Variants in HSPA12A observed in about 807,000 individuals in gnomAD.
The protein encoded by HSPA12A is heat shock 70 kDa protein 12A.
HSPA12A carries 28 observed loss-of-function variants against 69.2 expected under a neutral mutation model. The observed-to-expected ratio is 0.40, with a 90% CI of 0.30 to 0.55. The LOEUF (loss-of-function observed/expected upper bound fraction) is 0.55, where lower values mean the gene tolerates loss of function less well. Among genes scored for constraint, HSPA12A ranks in the 20% least tolerant of loss-of-function variants. HSPA12A has a pLI of 0.38. For synonymous variants in HSPA12A, 345 were observed against 370.5 expected (o/e 0.93, Z 0.79); for missense variants, 686 against 900.7 (o/e 0.76, Z 3.05).
intron 3 of HSPA12A, among the ~76,000 whole-genome samples, chr10:116,703,306 C>T (rs1269568246): frequency 6.6e-6 from 1 of 152,142 alleles, no homozygotes; most frequent in African/African-American, 2.4e-5. Flanking sequence ...GAGACTTAAA[C>T]CAAGATTGGG....
chr10:116,713,804 C>G (rs1392311793), intron 1 of HSPA12A, among the ~76,000 whole-genome samples: 4 of 152,170 alleles, frequency 2.6e-5, no homozygotes, highest in African/African-American at 9.7e-5. Flanking sequence ...GAATTACACT[C>G]CTCAACCTTA....
intron 4 of HSPA12A, 80 bp downstream of exon 4, chr10:116,700,863 A>G: frequency 7.0e-7 from 1 of 1,430,420 alleles, no homozygotes; most frequent in Non-Finnish European, 9.6e-7. Flanking sequence ...TTGGGAGGAC[A>G]TCCCTTCCCC....
At chr10:116,781,763 G>A (rs1185646760) in intron 2 of HSPA12A, among the ~76,000 whole-genome samples, 1 of 152,132 alleles carries the variant, frequency 6.6e-6, no homozygotes, top group Non-Finnish European at 1.5e-5. Context: ...GTCTGCTGTG[G>A]GCTCTGCCTT....
At chr10:116,709,715 CT>C (rs1456049065) in intron 1 of HSPA12A, among the ~76,000 whole-genome samples, 1 of 152,032 alleles carries the variant, frequency 6.6e-6, no homozygotes, top group Non-Finnish European at 1.5e-5. Context: ...ATGGAGAGTT[CT>C]TGCTTAATGA....
intron 1 of HSPA12A, among the ~76,000 whole-genome samples, chr10:116,836,213 T>C (rs1845707819): frequency 6.6e-6 from 1 of 152,148 alleles, no homozygotes; most frequent in African/African-American, 2.4e-5. Context: ...CGGAGCTTAT[T>C]GAAAAGCTCT....
intron 1 of HSPA12A, among the ~76,000 whole-genome samples, chr10:116,708,702 C>CA (rs1484878938): frequency 1.3e-5 from 2 of 152,092 alleles, no homozygotes; most frequent in Admixed American, 6.6e-5. Context: ...ATTACAGAGG[C>CA]AAAAATCCAA....
At chr10:116,819,688 G>C (rs778491793) in intron 2 of HSPA12A, among the ~76,000 whole-genome samples, 21 of 152,208 alleles carry the variant, frequency 1.4e-4, no homozygotes, top group Non-Finnish European at 2.2e-4. Flanking sequence ...AGCCTCAACA[G>C]GCTATGATAG....
chr10:116,779,824 G>C (rs1156366116), intron 2 of HSPA12A, among the ~76,000 whole-genome samples: 6 of 152,058 alleles, frequency 3.9e-5, no homozygotes, highest in African/African-American at 1.4e-4. Flanking sequence ...TAGCAGGGGG[G>C]ACGGGATTCC....
At chr10:116,825,998 G>A (rs966080252) in intron 2 of HSPA12A, among the ~76,000 whole-genome samples, 1 of 152,142 alleles carries the variant, frequency 6.6e-6, no homozygotes, top group Non-Finnish European at 1.5e-5. Context: ...CCGGGGAGAA[G>A]CCACCTACAG....
chr10:116,691,959 T>A (rs911968277), intron 6 of HSPA12A, among the ~76,000 whole-genome samples: 6 of 152,250 alleles, frequency 3.9e-5, no homozygotes, highest in African/African-American at 1.4e-4. Context: ...CTTGGCTTGC[T>A]TGCTTTCTTG....
chr10:116,740,418 AG>A (rs1851451133), intron 1 of HSPA12A, among the ~76,000 whole-genome samples: 1 of 152,206 alleles, frequency 6.6e-6, no homozygotes, highest in African/African-American at 2.4e-5. Flanking sequence ...ATAAAGGGAG[AG>A]GTGCCCAGAG....
intron 1 of HSPA12A, among the ~76,000 whole-genome samples, chr10:116,735,609 G>C (rs1851290157): frequency 6.6e-6 from 1 of 152,168 alleles, no homozygotes; most frequent in African/African-American, 2.4e-5. Flanking sequence ...GACTAGTTGA[G>C]CCATCAGAGT....
At chr10:116,848,862 C>CA (rs1180011270) in intron 1 of HSPA12A, among the ~76,000 whole-genome samples, 1 of 152,196 alleles carries the variant, frequency 6.6e-6, no homozygotes, top group Non-Finnish European at 1.5e-5. Context: ...TCAACCCACA[C>CA]TGGTTTTTTT....
At chr10:116,820,115 G>A (rs1039149719) in intron 2 of HSPA12A, among the ~76,000 whole-genome samples, 1 of 152,142 alleles carries the variant, frequency 6.6e-6, no homozygotes, top group Non-Finnish European at 1.5e-5. Context: ...GAGTCACTGT[G>A]CCCAGCCAAT....
At chr10:116,722,818 C>A (rs564293417) in intron 1 of HSPA12A, among the ~76,000 whole-genome samples, 25 of 152,270 alleles carry the variant, frequency 1.6e-4, no homozygotes, top group African/African-American at 6.0e-4. Flanking sequence ...CTATTTTGCA[C>A]ATGGACTCTT....
intron 2 of HSPA12A, among the ~76,000 whole-genome samples, chr10:116,768,044 C>T (rs772495853): frequency 1.3e-4 from 20 of 152,124 alleles, no homozygotes; most frequent in Admixed American, 6.5e-4. Flanking sequence ...TACACAGTAA[C>T]GTGGACACAA....
At chr10:116,800,191 G>A (rs1844924914) in intron 2 of HSPA12A, among the ~76,000 whole-genome samples, 3 of 152,120 alleles carry the variant, frequency 2.0e-5, no homozygotes, top group Non-Finnish European at 2.9e-5. Context: ...CTCTAGCTTC[G>A]GTACCAGCCA....
chr10:116,753,216 T>C (rs1192572077), intron 2 of HSPA12A, among the ~76,000 whole-genome samples: 1 of 152,076 alleles, frequency 6.6e-6, no homozygotes, highest in Non-Finnish European at 1.5e-5. Flanking sequence ...GGCAAACCCA[T>C]GGCAGTGGGG....
At chr10:116,792,598 A>G (rs1193849525) in intron 2 of HSPA12A, among the ~76,000 whole-genome samples, 1 of 138,688 alleles carries the variant, frequency 7.2e-6, no homozygotes, top group Non-Finnish European at 1.5e-5. Flanking sequence ...GCAACTTTGC[A>G]AAACCTTGCA....
Sources: allele counts gnomAD v4.1 joint callset (sites outside exome capture counted in the v4.1 genomes callset), GRCh38; gene constraint gnomAD v4.1.1; transcripts MANE v1.5; gene names NCBI Gene and HGNC (gene_info 2026-07-23, HGNC 2026-07-21).